The following PTPRT variants were observed in gnomAD, a reference collection of about 807,000 sequenced individuals.
The protein encoded by PTPRT is receptor-type tyrosine-protein phosphatase T.
In PTPRT, 56 loss-of-function variants were observed where a neutral mutation model predicts 176.8. That is an observed-to-expected ratio of 0.32 (90% CI 0.26 to 0.40). The LOEUF is 0.40. Among genes scored for constraint, PTPRT ranks in the 10% least tolerant of loss-of-function variants. The pLI is 1.00. For synonymous variants in PTPRT, 783 were observed against 739.0 expected, an observed-to-expected ratio of 1.06 and a Z score of -0.96; for missense variants, 1,540 against 1,908.2, an observed-to-expected ratio of 0.81 and a Z score of 3.60.
At chr20:42,962,746 C>A (rs190920759) in intron 1 of PTPRT, among the ~76,000 whole-genome samples, 1 of 152,318 alleles carries the variant, frequency 6.6e-6, no homozygotes, top group African/African-American at 2.4e-5. Context: ...CCACCATTTA[C>A]CTCCTCCCTC....
At chr20:42,477,763 G>T (rs1488465736) in intron 7 of PTPRT, among the ~76,000 whole-genome samples, 3 of 152,198 alleles carry the variant, frequency 2.0e-5, no homozygotes, top group Admixed American at 6.5e-5. Flanking sequence ...AGTGGGAAGA[G>T]TGTGGCTTGT....
At chr20:42,724,453 G>C (rs943712128) in intron 6 of PTPRT, among the ~76,000 whole-genome samples, 1 of 152,094 alleles carries the variant, frequency 6.6e-6, no homozygotes, top group Non-Finnish European at 1.5e-5. Flanking sequence ...ACAAAGCTCA[G>C]GGCATTTCTT....
At chr20:42,726,057 TTTATTATTATTATTATTA>T (rs59329244) in intron 6 of PTPRT, among the ~76,000 whole-genome samples, 6 of 142,282 alleles carry the variant, frequency 4.2e-5, no homozygotes, top group African/African-American at 1.6e-4. Context: ...TGTGGGCATC[TTTATTATTATTATTATTA>T]TTATTATTAT....
chr20:42,827,894 C>A (rs997338219), intron 2 of PTPRT, among the ~76,000 whole-genome samples: 3 of 152,188 alleles, frequency 2.0e-5, no homozygotes, highest in African/African-American at 7.2e-5. Context: ...GGTGAGTCAA[C>A]TAAACATCTT....
At chr20:42,192,342 G>A (rs868075213) in intron 16 of PTPRT, among the ~76,000 whole-genome samples, 10 of 152,140 alleles carry the variant, frequency 6.6e-5, no homozygotes, top group South Asian at 2.1e-4. Flanking sequence ...GCCATGATCC[G>A]TCTTCCCTAT....
intron 7 of PTPRT, among the ~76,000 whole-genome samples, chr20:42,658,498 C>A (rs6093710): frequency 0.02 from 2,993 of 152,216 alleles, 109 homozygotes; most frequent in African/African-American, 0.068. Flanking sequence ...CCATGAAAAG[C>A]ACACTCGTTT....
intron 12 of PTPRT, among the ~76,000 whole-genome samples, chr20:42,301,451 C>T (rs937617940): frequency 1.4e-4 from 21 of 151,998 alleles, no homozygotes; most frequent in African/African-American, 4.8e-4. Context: ...AACATGTGAC[C>T]CTGGACCAGG....
intron 8 of PTPRT, among the ~76,000 whole-genome samples, chr20:42,453,669 C>CT (rs1568893585): frequency 8.9e-6 from 1 of 112,014 alleles, no homozygotes. Flanking sequence ...TTTTCTTTTT[C>CT]TTTTCTTTTT....
At chr20:42,209,722 G>A (rs1186611928) in intron 15 of PTPRT, among the ~76,000 whole-genome samples, 1 of 152,096 alleles carries the variant, frequency 6.6e-6, no homozygotes, top group African/African-American at 2.4e-5. Context: ...AGAGGTACAA[G>A]GAGGAACTGG....
At chr20:42,234,755 G>A (rs1462620818) in intron 15 of PTPRT, among the ~76,000 whole-genome samples, 1 of 152,210 alleles carries the variant, frequency 6.6e-6, no homozygotes, top group Non-Finnish European at 1.5e-5. Context: ...ATGTTTGTGG[G>A]ATGAATGAAT....
intron 7 of PTPRT, among the ~76,000 whole-genome samples, chr20:42,639,499 C>G (rs2074688384): frequency 6.6e-6 from 1 of 152,086 alleles, no homozygotes; most frequent in Non-Finnish European, 1.5e-5. Context: ...TTCCTTGGGT[C>G]TCAACTCTAA....
At chr20:42,872,066 C>A (rs1410788672) in intron 2 of PTPRT, among the ~76,000 whole-genome samples, 1 of 152,156 alleles carries the variant, frequency 6.6e-6, no homozygotes, top group Admixed American at 6.5e-5. Context: ...TGAGAAAGTG[C>A]AATTTGGGTT....
chr20:42,219,898 A>G (rs552628354), intron 15 of PTPRT, among the ~76,000 whole-genome samples: 1 of 152,186 alleles, frequency 6.6e-6, no homozygotes, highest in East Asian at 1.9e-4. Flanking sequence ...ACAGATGAGA[A>G]CTCACATGTA....
intron 1 of PTPRT, among the ~76,000 whole-genome samples, chr20:42,993,454 G>A (rs377286546): frequency 5.6e-5 from 3 of 53,442 alleles, no homozygotes; most frequent in African/African-American, 5.2e-4. Flanking sequence ...ATATATATAT[G>A]TATGTGTGTG....
In PTPRT at chr20:42,074,181, C is replaced by T. The variant is rs1462676634; in HGVS notation, c.*6698G>A. On this transcript the variant is annotated 3_prime_UTR_variant, in exon 31 of 31. Coordinates refer to ENST00000373187, the MANE Select transcript of PTPRT (RefSeq NM_007050.6). ...TCCAGACTGCCCTGGGGCCTTTGAC[C>T]CAAAGAACACCTGACATTATTCATC... 4.4e-6 allele frequency: 1 copy of T among 227,640 alleles called. No homozygotes were observed. Among genetic ancestry groups the T allele is most frequent in the Non-Finnish European group, 8.7e-6 (1 of 114,574 alleles). The allele number at this position is 227,640 out of a possible 1,614,324, so 14.1% of individuals were successfully genotyped here. A position where few individuals can be genotyped will look rare whatever the true frequency, so the allele number is the denominator to read the frequency against.
the PTPRT span, among the ~76,000 whole-genome samples, chr20:42,053,971 CTG>C: frequency 6.6e-6 from 1 of 152,092 alleles, no homozygotes; most frequent in Non-Finnish European, 1.5e-5. Flanking sequence ...TGGGCTGAGT[CTG>C]TAGTCAGTCT....
chr20:42,831,581 A>G (rs879043711), intron 2 of PTPRT, among the ~76,000 whole-genome samples: 2 of 152,230 alleles, frequency 1.3e-5, no homozygotes, highest in Non-Finnish European at 2.9e-5. Context: ...CTATCAACAG[A>G]GTAAACAGAC....
chr20:42,095,207 C>G (rs1204456370), intron 27 of PTPRT, among the ~76,000 whole-genome samples: 2 of 152,212 alleles, frequency 1.3e-5, no homozygotes, highest in Non-Finnish European at 2.9e-5. Context: ...CTTGCACCAA[C>G]AATCTATTCT....
At chr20:43,068,748 G>A (rs1242698904) in intron 1 of PTPRT, among the ~76,000 whole-genome samples, 1 of 152,114 alleles carries the variant, frequency 6.6e-6, no homozygotes, top group Non-Finnish European at 1.5e-5. Context: ...TAACTACAGG[G>A]CAGTCGGATA....
Sources: allele counts gnomAD v4.1 joint callset (sites outside exome capture counted in the v4.1 genomes callset), GRCh38; gene constraint gnomAD v4.1.1; transcripts MANE v1.5; gene names NCBI Gene and HGNC (gene_info 2026-07-23, HGNC 2026-07-21).